The following PCCA variants were observed in gnomAD, a reference collection of about 807,000 sequenced individuals.
The protein encoded by PCCA is propionyl-CoA carboxylase alpha chain, mitochondrial.
PCCA carries 74 observed loss-of-function variants against 101.3 expected under a neutral mutation model. The observed-to-expected ratio is 0.73, with a 90% CI of 0.61 to 0.89. The LOEUF (loss-of-function observed/expected upper bound fraction) is 0.89. Ranked by LOEUF, PCCA falls within the 40% of genes least tolerant of loss-of-function variation. The pLI is 0.00. For synonymous variants in PCCA, 294 were observed against 313.6 expected (o/e 0.94, Z 0.66); for missense variants, 891 against 907.0 (o/e 0.98, Z 0.23).
intron 4 of PCCA, among the ~76,000 whole-genome samples, chr13:100,124,300 A>G (rs974998059): frequency 6.6e-6 from 1 of 152,142 alleles, no homozygotes; most frequent in African/African-American, 2.4e-5. Context: ...GAACCTATCT[A>G]TACATATTTT....
chr13:100,279,886 C>G (rs1398474910), intron 12 of PCCA, among the ~76,000 whole-genome samples: 2 of 152,132 alleles, frequency 1.3e-5, no homozygotes, highest in African/African-American at 2.4e-5. Flanking sequence ...TATGTTATCT[C>G]TAATTAGTGT....
intron 21 of PCCA, chr13:100,477,331 T>A (rs2083491292): frequency 6.6e-6 from 1 of 152,210 alleles, no homozygotes. Context: ...TTATTTACCT[T>A]TAGGAGACAG....
intron 21 of PCCA, among the ~76,000 whole-genome samples, chr13:100,484,354 GA>G (rs1290137882): frequency 6.6e-6 from 1 of 152,112 alleles, no homozygotes; most frequent in Non-Finnish European, 1.5e-5. Flanking sequence ...CCATCTTGAG[GA>G]AAATGCTTAG....
chr13:100,144,596 A>G lies in PCCA; in HGVS notation c.301-10383A>G, dbSNP rs939305494. 1.2e-4 allele frequency among the ~76,000 whole-genome samples: 18 copies of G among 152,190 alleles called. 1 individual carries two copies. Among genetic ancestry groups the G allele is most frequent in the Non-Finnish European group, 2.1e-4 (14 of 68,022 alleles). On this transcript the variant is annotated intron_variant, in intron 4 of 23. Transcript: ENST00000376285. ...GTAGAAAACTATGTTCTTGTTTATA[A>G]TCTTTGATTTTTAAATTAAAAATAC...
At chr13:100,160,314 A>G (rs1020476777) in intron 6 of PCCA, among the ~76,000 whole-genome samples, 5 of 151,972 alleles carry the variant, frequency 3.3e-5, no homozygotes, top group African/African-American at 1.2e-4. Context: ...ACCAGCTTGG[A>G]CAACATGGCG....
chr13:100,323,428 A>G (rs1331228590), intron 16 of PCCA, among the ~76,000 whole-genome samples: 1 of 151,860 alleles, frequency 6.6e-6, no homozygotes, highest in Admixed American at 6.6e-5. Context: ...TTCAAGCGGG[A>G]GGCCTCAGCC....
chr13:100,178,379 A>C (rs553396953), intron 6 of PCCA, among the ~76,000 whole-genome samples: 1 of 152,240 alleles, frequency 6.6e-6, no homozygotes, highest in East Asian at 1.9e-4. Flanking sequence ...TAAACTATAC[A>C]AAACACTTTT....
chr13:100,243,455 A>G lies in PCCA; in HGVS notation c.637+7577A>G, dbSNP rs778447380. ...ATTTTATAATAGAGATACCTGGGGA[A>G]AAAAAGGAATATTAAGCAAAACATG... On this transcript the variant is annotated intron_variant, in intron 8 of 23. Transcript: ENST00000376285. Among the ~76,000 whole-genome samples, 91 of 152,188 alleles carry G rather than the reference A, an allele frequency of 6.0e-4. 2 individuals are homozygous for G. The highest frequency in any genetic ancestry group is 2.0e-4 in the Admixed American group (3 of 15,274).
At chr13:100,270,435 ACT>A (rs1318531748) in intron 11 of PCCA, among the ~76,000 whole-genome samples, 22 of 152,048 alleles carry the variant, frequency 1.4e-4, no homozygotes, top group Admixed American at 1.4e-3. Context: ...TTCAATTAAC[ACT>A]CTGTTTTTAG....
chr13:100,298,440 C>A (rs72658551), intron 12 of PCCA, among the ~76,000 whole-genome samples: 15,235 of 152,170 alleles, frequency 0.1, 867 homozygotes, highest in Non-Finnish European at 0.13. Flanking sequence ...CACATAATAG[C>A]CCTCAAAACA....
At chr13:100,138,865 G>GT (rs2051497715) in intron 4 of PCCA, among the ~76,000 whole-genome samples, 1 of 142,816 alleles carries the variant, frequency 7.0e-6, no homozygotes. Flanking sequence ...AACCAGGACA[G>GT]TAGAGGTTGC....
rs772591820 is a variant in PCCA at position 100,262,820 on chromosome 13, A to T, written c.808A>T (p.Ile270Leu). The T allele has an allele frequency of 7.2e-7, 1 of 1,388,752 alleles. No individual in the cohort carries two copies. Among genetic ancestry groups the T allele is most frequent in the Non-Finnish European group, 1.0e-6 (1 of 976,918 alleles). The allele number at this position is 1,388,752 out of a possible 1,614,324, so 86.0% of individuals were successfully genotyped here. A position where few individuals can be genotyped will look rare whatever the true frequency, so the allele number is the denominator to read the frequency against. The change falls in exon 10 of 24, where the codon ATA becomes TTA. Residue 270 changes from isoleucine to leucine, a missense_variant. Physicochemically the swap from Ile to Leu is conservative, Grantham distance 5. Coordinates refer to ENST00000376285, the MANE Select transcript of PCCA (RefSeq NM_000282.4). Reference sequence around the variant, plus strand: ...AAAATTTATTGATAATCCTCGTCATATAGAAATCCAGGTTGGTACATTTAA... The same window carrying T: ...AAAATTTATTGATAATCCTCGTCATTTAGAAATCCAGGTTGGTACATTTAA... ...IEKFIDNPRH[I>L]EIQVLGDKHG...
chr13:100,257,483 T>C (rs1451984854), intron 8 of PCCA, 112 bp from the exon 9 acceptor site: 1 of 807,174 alleles, frequency 1.2e-6, no homozygotes, highest in African/African-American at 1.7e-5. Flanking sequence ...AAAGGAACTT[T>C]TAAATAAATT....
intron 4 of PCCA, chr13:100,150,940 G>T (rs758367966): frequency 8.5e-6 from 13 of 1,529,646 alleles, no homozygotes; most frequent in Non-Finnish European, 1.2e-5. Context: ...TGGCCTCGCA[G>T]CCCAGTCAGC....
chr13:100,104,942 G>GA, intron 2 of PCCA, among the ~76,000 whole-genome samples: 1 of 151,896 alleles, frequency 6.6e-6, no homozygotes, highest in Admixed American at 6.6e-5. Flanking sequence ...GACCTCAAAT[G>GA]TCTTCCTGCC....
In PCCA at chr13:100,131,436, A is replaced by G. The variant is rs114907440; in HGVS notation, c.300+19375A>G. Reference sequence around the variant, plus strand: ...CTATGGCCGCTTGGACCCATTGTCTAAATGTGGGTATATTAGCCACAGGGA... The same window carrying G: ...CTATGGCCGCTTGGACCCATTGTCTGAATGTGGGTATATTAGCCACAGGGA... On this transcript the variant is annotated intron_variant, in intron 4 of 23. Transcript: ENST00000376285. 3.8e-3 allele frequency among the ~76,000 whole-genome samples: 574 copies of G among 152,296 alleles called. 5 individuals are homozygous for G. Among genetic ancestry groups the G allele is most frequent in the African/African-American group, 0.013 (545 of 41,544 alleles).
intron 4 of PCCA, among the ~76,000 whole-genome samples, chr13:100,128,663 A>C (rs1234340100): frequency 6.6e-6 from 1 of 152,128 alleles, no homozygotes; most frequent in Non-Finnish European, 1.5e-5. Flanking sequence ...TCTACTATAG[A>C]GTTCTTGCTA....
chr13:100,492,849 A>G (rs143802582), intron 21 of PCCA, among the ~76,000 whole-genome samples: 45 of 151,586 alleles, frequency 3.0e-4, no homozygotes, highest in Middle Eastern at 3.4e-3. Context: ...GGGATGACCA[A>G]ACTCCAGGGG....
intron 21 of PCCA, among the ~76,000 whole-genome samples, chr13:100,455,595 C>T (rs1336865923): frequency 1.3e-5 from 2 of 152,182 alleles, no homozygotes; most frequent in Non-Finnish European, 2.9e-5. Context: ...GCCTGCTACT[C>T]ATGGATAATT....
Sources: allele counts gnomAD v4.1 joint callset (sites outside exome capture counted in the v4.1 genomes callset), GRCh38; gene constraint gnomAD v4.1.1; transcripts MANE v1.5; gene names NCBI Gene and HGNC (gene_info 2026-07-23, HGNC 2026-07-21).